The following TDRP variants were observed in gnomAD, a reference collection of about 807,000 sequenced individuals.
TDRP encodes the protein testis development related protein, also known as testis development-related protein.
Under a neutral mutation model 10.5 loss-of-function variants are expected in TDRP, and 12 were observed. That is an observed-to-expected ratio of 1.15 (90% confidence interval 0.73 to 1.86). TDRP has a LOEUF of 1.86. Among genes scored for constraint, TDRP ranks in the 40% most tolerant of loss-of-function variants. The probability of loss-of-function intolerance (pLI) is 0.00; values close to 1 mark genes in which losing one functional copy is unlikely to be tolerated. For synonymous variants in TDRP, 139 were observed against 95.4 expected (o/e 1.46, Z -2.67); for missense variants, 353 against 229.2 (o/e 1.54, Z -3.49).
At position 491,060 on chromosome 8, in the gene TDRP, A is replaced by C. The variant is rs1209815760; in HGVS notation, c.*1339T>G. 1 of 152,258 alleles carries C rather than the reference A, an allele frequency of 6.6e-6. No homozygotes were observed. Among genetic ancestry groups the C allele is most frequent in the Admixed American group, 6.5e-5 (1 of 15,288 alleles). 9.4% of individuals were successfully genotyped at this position (152,258 alleles called of 1,614,324 possible). On this transcript the variant is annotated 3_prime_UTR_variant, in exon 3 of 3. Coordinates refer to ENST00000324079, the MANE Select transcript of TDRP (RefSeq NM_001384899.1). ...TTTTTTGCATAACAGATGACAGATC[A>C]AGTAAACCTGTTCTATTAAAAAACA...
intron 1 of TDRP, among the ~76,000 whole-genome samples, chr8:496,050 C>T (rs59018237): frequency 0.016 from 2,375 of 152,332 alleles, 60 homozygotes; most frequent in African/African-American, 0.055. Context: ...GCAGTACCCA[C>T]GCCAAAGAAA....
At chr8:506,310 C>T (rs145438009) in intron 1 of TDRP, among the ~76,000 whole-genome samples, 24 of 152,256 alleles carry the variant, frequency 1.6e-4, no homozygotes, top group African/African-American at 5.1e-4. Flanking sequence ...CCTCCCAGCT[C>T]GGCAGCGGGG....
At chr8:534,504 G>C (rs928428657) in intron 1 of TDRP, among the ~76,000 whole-genome samples, 4 of 152,180 alleles carry the variant, frequency 2.6e-5, no homozygotes, top group African/African-American at 9.7e-5. Flanking sequence ...CTCTAACACA[G>C]GTGCTCCCTC....
intron 1 of TDRP, among the ~76,000 whole-genome samples, chr8:543,070 G>C (rs1340240734): frequency 6.6e-6 from 1 of 152,144 alleles, no homozygotes; most frequent in African/African-American, 2.4e-5. Flanking sequence ...TACCTTGGGA[G>C]GCTGAGGCGG....
intron 1 of TDRP, among the ~76,000 whole-genome samples, chr8:539,902 G>GA (rs1318996295): frequency 6.6e-6 from 1 of 152,198 alleles, no homozygotes; most frequent in Non-Finnish European, 1.5e-5. Flanking sequence ...TAAAACACCT[G>GA]AAACACTCCT....
chr8:544,614 G>T (rs975741005), intron 1 of TDRP, 36 bp downstream of exon 1: 16 of 1,209,880 alleles, frequency 1.3e-5, no homozygotes, highest in Non-Finnish European at 1.7e-5. Context: ...GCGCGCCCCC[G>T]GCCTACTAGC....
rs1563112712 is a variant in TDRP at position 490,220 on chromosome 8, T to C, written c.*2179A>G. 6.6e-6 allele frequency: 1 copy of C among 152,230 alleles called. No homozygotes were observed. Among genetic ancestry groups the C allele is most frequent in the Non-Finnish European group, 1.5e-5 (1 of 68,042 alleles). 9.4% of individuals were successfully genotyped at this position (152,230 alleles called of 1,614,324 possible). A position where few individuals can be genotyped will look rare whatever the true frequency, so the allele number is the denominator to read the frequency against. ...CTCCCAAAGCACACCAATAAATATT[T>C]ATATTAAAAACCACAGTTAATTTAA... On this transcript the variant is annotated 3_prime_UTR_variant, in exon 3 of 3. Coordinates refer to ENST00000324079, the MANE Select transcript of TDRP (RefSeq NM_001384899.1).
chr8:544,664 CGG>C lies in TDRP; in HGVS notation c.92_93del (p.Ala31GlyfsTer22), dbSNP rs1802587656. 6.8e-6 allele frequency: 3 copies of C among 437,970 alleles called. No individual in the cohort carries two copies. The highest frequency in any genetic ancestry group is 9.7e-6 in the Non-Finnish European group (3 of 309,652). 27.1% of individuals were successfully genotyped at this position (437,970 alleles called of 1,614,324 possible). ...LRGGPPPAAA[A>X]AAQAQVQGAS... ...CACCCCCTCACCTGCGCCTGGGCGG[CGG>C]CGGCGGCGGCCGGTGGCGGCCCCCC... On this transcript the variant is annotated frameshift_variant, in exon 1 of 3. Transcript: ENST00000324079. LOFTEE classifies it high-confidence loss of function.
At chr8:508,505 G>A (rs1054634257) in intron 1 of TDRP, among the ~76,000 whole-genome samples, 1 of 152,180 alleles carries the variant, frequency 6.6e-6, no homozygotes, top group African/African-American at 2.4e-5. Flanking sequence ...GCAAATGAGT[G>A]AAGGGGGAAG....
chr8:528,543 G>T (rs1022385764), intron 1 of TDRP, among the ~76,000 whole-genome samples: 3 of 149,668 alleles, frequency 2.0e-5, no homozygotes, highest in Non-Finnish European at 4.5e-5. Flanking sequence ...CAAAAATATA[G>T]TTAGCATAAG....
intron 1 of TDRP, among the ~76,000 whole-genome samples, chr8:499,623 GA>G (rs1226157601): frequency 2.6e-5 from 4 of 152,232 alleles, no homozygotes; most frequent in Non-Finnish European, 5.9e-5. Context: ...AGACATGATC[GA>G]AGTGTGAGCG....
At chr8:515,523 C>G (rs145375532) in intron 1 of TDRP, among the ~76,000 whole-genome samples, 1 of 152,130 alleles carries the variant, frequency 6.6e-6, no homozygotes, top group Non-Finnish European at 1.5e-5. Flanking sequence ...GCATTTTTGT[C>G]GATCATCATG....
At chr8:538,417 C>T (rs969852207) in intron 1 of TDRP, among the ~76,000 whole-genome samples, 1 of 152,228 alleles carries the variant, frequency 6.6e-6, no homozygotes, top group Non-Finnish European at 1.5e-5. Context: ...CCGGTCCCTC[C>T]TCCTTTGTGC....
chr8:511,600 A>C (rs1411193030), intron 1 of TDRP, among the ~76,000 whole-genome samples: 1 of 152,210 alleles, frequency 6.6e-6, no homozygotes, highest in Admixed American at 6.5e-5. Flanking sequence ...AACTAATAAG[A>C]CCTAACAGAT....
At chr8:511,042 C>A (rs1453707734) in intron 1 of TDRP, among the ~76,000 whole-genome samples, 2 of 152,042 alleles carry the variant, frequency 1.3e-5, no homozygotes, top group Non-Finnish European at 2.9e-5. Context: ...TAAAAATATA[C>A]ACAATGCAAA....
intron 1 of TDRP, among the ~76,000 whole-genome samples, chr8:527,824 C>G (rs935362492): frequency 2.2e-4 from 33 of 152,062 alleles, no homozygotes; most frequent in Non-Finnish European, 4.3e-4. Context: ...AAGAAAACAT[C>G]AGGGAAACTC....
intron 1 of TDRP, among the ~76,000 whole-genome samples, chr8:532,446 T>G (rs761306014): frequency 2.0e-5 from 3 of 152,246 alleles, no homozygotes; most frequent in Non-Finnish European, 4.4e-5. Flanking sequence ...CCAGCTCTTC[T>G]AGCTTCTATA....
chr8:545,588 C>G (rs980664534), upstream of TDRP: 1 of 152,178 alleles, frequency 6.6e-6, no homozygotes, highest in Non-Finnish European at 1.5e-5. Context: ...GTGGAGGGGG[C>G]ACAGTCCGCG....
intron 1 of TDRP, among the ~76,000 whole-genome samples, chr8:515,164 C>G (rs1801724538): frequency 6.6e-6 from 1 of 152,172 alleles, no homozygotes; most frequent in African/African-American, 2.4e-5. Context: ...GTTCTGTGCA[C>G]AGCCAGAGAT....
Sources: gnomAD v4.1 joint callset for allele counts (sites outside exome capture counted in the v4.1 genomes callset) on GRCh38, gnomAD v4.1.1 for gene constraint, MANE v1.5 for transcripts, NCBI Gene and HGNC (gene_info 2026-07-23, HGNC 2026-07-21) for gene names.